Variants in GRAMD1C observed in about 807,000 individuals in gnomAD.
GRAMD1C encodes the protein GRAM domain containing 1C.
In GRAMD1C, 89 loss-of-function variants were observed where a neutral mutation model predicts 97.8. That is an observed-to-expected ratio of 0.91 (90% CI 0.77 to 1.09). GRAMD1C has a LOEUF of 1.09. Among genes scored for constraint, GRAMD1C ranks in the 50% least tolerant of loss-of-function variants. GRAMD1C has a pLI of 0.00. For synonymous variants in GRAMD1C, 256 were observed against 267.0 expected (o/e 0.96, Z 0.40); for missense variants, 740 against 766.4 (o/e 0.97, Z 0.41).
chr3:113,888,973 G>A (rs1478476863), intron 6 of GRAMD1C, among the ~76,000 whole-genome samples: 1 of 152,198 alleles, frequency 6.6e-6, no homozygotes, highest in Non-Finnish European at 1.5e-5. Flanking sequence ...GGCTGAGGCG[G>A]ACAGGTCACC....
At chr3:113,848,520 T>C (rs942998126) in intron 2 of GRAMD1C, among the ~76,000 whole-genome samples, 1 of 151,762 alleles carries the variant, frequency 6.6e-6, no homozygotes, top group Non-Finnish European at 1.5e-5. Flanking sequence ...TTTTAAAATA[T>C]TGGGCCAGAC....
At chr3:113,876,313 C>T (rs1935031849) in intron 5 of GRAMD1C, 53 bp downstream of exon 5, 2 of 854,902 alleles carry the variant, frequency 2.3e-6, no homozygotes, top group Non-Finnish European at 2.0e-6. Flanking sequence ...AAATCTCCCT[C>T]ATACTCATCA....
intron 6 of GRAMD1C, chr3:113,897,736 C>A: frequency 1.0e-6 from 1 of 984,510 alleles, no homozygotes; most frequent in Non-Finnish European, 1.2e-6. Flanking sequence ...TGAGCCTTAT[C>A]TGATTACTGC....
At chr3:113,931,912 C>G (rs1172305646) in intron 11 of GRAMD1C, among the ~76,000 whole-genome samples, 1 of 152,058 alleles carries the variant, frequency 6.6e-6, no homozygotes, top group Non-Finnish European at 1.5e-5. Flanking sequence ...GGCAACAGAG[C>G]TAGACTCTGT....
chr3:113,882,459 A>G (rs992594253), intron 5 of GRAMD1C, among the ~76,000 whole-genome samples: 1 of 152,180 alleles, frequency 6.6e-6, no homozygotes, highest in Non-Finnish European at 1.5e-5. Flanking sequence ...ATTGATTTCC[A>G]CAATTAAACT....
At chr3:113,942,356 G>A (rs182268246) in intron 17 of GRAMD1C, among the ~76,000 whole-genome samples, 2 of 152,126 alleles carry the variant, frequency 1.3e-5, no homozygotes, top group East Asian at 1.9e-4. Context: ...TATCTTTAAG[G>A]TTAGAGAATT....
intron 9 of GRAMD1C, among the ~76,000 whole-genome samples, chr3:113,911,315 A>C (rs1936568010): frequency 6.6e-6 from 1 of 151,404 alleles, no homozygotes; most frequent in East Asian, 1.9e-4. Context: ...GGCTCACTGC[A>C]ATCTCTGCCT....
chr3:113,868,526 A>G (rs1934670624), intron 2 of GRAMD1C, among the ~76,000 whole-genome samples: 2 of 152,140 alleles, frequency 1.3e-5, no homozygotes, highest in Non-Finnish European at 2.9e-5. Context: ...GTCCTGTGGC[A>G]TGTGTCTGCT....
chr3:113,913,429 CA>C (rs765510213), intron 9 of GRAMD1C, among the ~76,000 whole-genome samples: 9,461 of 68,294 alleles, frequency 0.14, 160 homozygotes, highest in African/African-American at 0.21. Flanking sequence ...ACTCTGTCTC[CA>C]AAAAAAAAAA....
At chr3:113,937,302 G>A (rs1219101791) in intron 14 of GRAMD1C, among the ~76,000 whole-genome samples, 1 of 152,106 alleles carries the variant, frequency 6.6e-6, no homozygotes, top group Non-Finnish European at 1.5e-5. Context: ...TGTTGACTAT[G>A]TTTATCCACT....
At chr3:113,885,629 G>T in intron 6 of GRAMD1C, 1 of 1,498,934 alleles carries the variant, frequency 6.7e-7, no homozygotes, top group East Asian at 2.3e-5. Flanking sequence ...TACGTAAGAG[G>T]CCCCATGTGG....
chr3:113,847,138 G>C (rs1044699440), intron 2 of GRAMD1C, among the ~76,000 whole-genome samples: 1 of 152,064 alleles, frequency 6.6e-6, no homozygotes, highest in African/African-American at 2.4e-5. Context: ...ATAACACATA[G>C]AGATACCAGC....
At chr3:113,919,416 A>G in intron 10 of GRAMD1C, 1 of 512,342 alleles carries the variant, frequency 2.0e-6, no homozygotes, top group South Asian at 1.5e-5. Context: ...CTAGAGCACC[A>G]AGGAATTAGA....
intron 6 of GRAMD1C, among the ~76,000 whole-genome samples, chr3:113,886,189 T>TTGGAG (rs1278414754): frequency 6.6e-6 from 1 of 152,134 alleles, no homozygotes; most frequent in Non-Finnish European, 1.5e-5. Flanking sequence ...TACACTCCAC[T>TTGGAG]TGGAGTCTGG....
intron 5 of GRAMD1C, among the ~76,000 whole-genome samples, chr3:113,876,516 G>A (rs750236414): frequency 1.3e-5 from 2 of 152,110 alleles, no homozygotes; most frequent in African/African-American, 2.4e-5. Context: ...TTAGCACAAT[G>A]TCCTTATTTC....
intron 6 of GRAMD1C, among the ~76,000 whole-genome samples, chr3:113,883,578 T>TA (rs1340432911): frequency 6.7e-6 from 1 of 148,384 alleles, no homozygotes; most frequent in Non-Finnish European, 1.5e-5. Flanking sequence ...ATGCTGTATA[T>TA]AAGAGACAAA....
chr3:113,920,633 C>A (rs1937010283), intron 10 of GRAMD1C, among the ~76,000 whole-genome samples: 2 of 152,092 alleles, frequency 1.3e-5, no homozygotes, highest in African/African-American at 4.8e-5. Context: ...CCTCCGCCTC[C>A]TGGGTTCAAG....
At chr3:113,844,926 G>C (rs1312081195) in intron 2 of GRAMD1C, 1 of 256,744 alleles carries the variant, frequency 3.9e-6, no homozygotes. Context: ...GTAGCTCACT[G>C]TATTGTCAAG....
intron 13 of GRAMD1C, among the ~76,000 whole-genome samples, chr3:113,934,946 C>G (rs1265704501): frequency 5.3e-5 from 8 of 151,900 alleles, no homozygotes; most frequent in Admixed American, 5.3e-4. Flanking sequence ...GTTTCACCAT[C>G]TTGGTCAGGC....
Sources: gnomAD v4.1 joint callset for allele counts (sites outside exome capture counted in the v4.1 genomes callset) on GRCh38, gnomAD v4.1.1 for gene constraint, MANE v1.5 for transcripts, NCBI Gene and HGNC (gene_info 2026-07-23, HGNC 2026-07-21) for gene names.